Variants in GJC1 observed in about 807,000 individuals in gnomAD.
GJC1 encodes the protein gap junction protein gamma 1.
In GJC1, 5 loss-of-function variants were observed where a neutral mutation model predicts 29.3. The ratio of observed to expected loss-of-function variants is 0.17; its 90% CI spans 0.09 to 0.36. The LOEUF (loss-of-function observed/expected upper bound fraction) is 0.36, where lower values mean the gene tolerates loss of function less well. Ranked by LOEUF, GJC1 falls within the 10% of genes least tolerant of loss-of-function variation. GJC1 has a pLI of 1.00. For synonymous variants in GJC1, 177 were observed against 183.3 expected (o/e 0.97, Z 0.28); for missense variants, 310 against 496.2 (o/e 0.62, Z 3.56).
chr17:44,816,864 G>A (rs1178234941), intron 1 of GJC1, among the ~76,000 whole-genome samples: 1 of 152,100 alleles, frequency 6.6e-6, no homozygotes, highest in Non-Finnish European at 1.5e-5. Flanking sequence ...ATTTCAGCAG[G>A]TAGATTCTAA....
chr17:44,817,169 GCA>G, intron 1 of GJC1, among the ~76,000 whole-genome samples: 1 of 151,948 alleles, frequency 6.6e-6, no homozygotes, highest in African/African-American at 2.4e-5. Context: ...TCGTGCCATT[GCA>G]CTCCAGCCTG....
Position 44,802,139 on chromosome 17 carries a change from A to G in GJC1, c.*2488T>C, listed in dbSNP as rs2049855821. 6.6e-6 allele frequency: 1 copy of G among 152,212 alleles called. No homozygotes were observed. Among genetic ancestry groups the G allele is most frequent in the Non-Finnish European group, 1.5e-5 (1 of 68,042 alleles). The allele number at this position is 152,212 out of a possible 1,614,324, so 9.4% of individuals were successfully genotyped here. A position where few individuals can be genotyped will look rare whatever the true frequency, so the allele number is the denominator to read the frequency against. On this transcript the variant is annotated 3_prime_UTR_variant, in exon 3 of 3. Coordinates refer to ENST00000592524, the MANE Select transcript of GJC1 (RefSeq NM_005497.4). The stretch of plus-strand genomic sequence containing the variant: ...GAAGCTGACGCGTTATCCAGACACA[A>G]AAGATAACATTCTCATCAAAACAGG...
chr17:44,823,962 C>T (rs910225459), intron 1 of GJC1, among the ~76,000 whole-genome samples: 18 of 151,958 alleles, frequency 1.2e-4, no homozygotes, highest in Non-Finnish European at 2.1e-4. Context: ...CTGCCCACCT[C>T]GGCCTCCCAA....
intron 1 of GJC1, among the ~76,000 whole-genome samples, chr17:44,813,788 C>G (rs933260071): frequency 6.6e-6 from 1 of 152,044 alleles, no homozygotes; most frequent in Admixed American, 6.6e-5. Flanking sequence ...TCACCACGCC[C>G]GGCCACAAGT....
At position 44,799,968 on chromosome 17, in the gene GJC1, T is replaced by C. The variant is rs1047710874; in HGVS notation, c.*4659A>G. ...ATAGGGACAACAGCAAATACAAATC[T>C]TTAAACACTTCATGATGTGGCCGGA... On this transcript the variant is annotated 3_prime_UTR_variant, in exon 3 of 3. Transcript: ENST00000592524. 2.0e-5 allele frequency: 3 copies of C among 152,190 alleles called. No individual in the cohort carries two copies. The highest frequency in any genetic ancestry group is 2.0e-4 in the Admixed American group (3 of 15,272). The allele number at this position is 152,190 out of a possible 1,614,324, so 9.4% of individuals were successfully genotyped here.
rs371184644 is a variant in GJC1 at position 44,828,513 on chromosome 17, C to A, written c.-97+1549G>T. ...TATTAACAGACCTTCCATACAACTT[C>A]TATGTATCTCTTCAATATGCCCTTT... On this transcript the variant is annotated intron_variant, in intron 1 of 2. Transcript: ENST00000592524. Among the ~76,000 whole-genome samples the A allele has an allele frequency of 1.6e-4, 24 of 152,284 alleles. No homozygotes were observed. The South Asian group carries it at 4.8e-3, about 30-fold the overall frequency.
intron 2 of GJC1, among the ~76,000 whole-genome samples, chr17:44,807,137 C>T (rs549345053): frequency 6.6e-6 from 1 of 152,292 alleles, no homozygotes; most frequent in African/African-American, 2.4e-5. Flanking sequence ...CTAAACTGAA[C>T]TGTGAGGACA....
In GJC1 at chr17:44,802,237, G is replaced by A. The variant is rs1172955645; in HGVS notation, c.*2390C>T. ...TTCTGGCGCCAAATGTCTTTGCCTG[G>A]TTCTTCCTGGCATTTCTGCTTGACT... On this transcript the variant is annotated 3_prime_UTR_variant, in exon 3 of 3. Transcript: ENST00000592524. 5 of 152,088 alleles carry A rather than the reference G, an allele frequency of 3.3e-5. No homozygotes were observed. The allele number at this position is 152,088 out of a possible 1,614,324, so 9.4% of individuals were successfully genotyped here.
intron 1 of GJC1, among the ~76,000 whole-genome samples, chr17:44,827,555 C>G (rs1050331992): frequency 1.3e-5 from 2 of 151,942 alleles, no homozygotes; most frequent in African/African-American, 4.8e-5. Context: ...ACTCAGGAGG[C>G]TGAGGCAGGA....
intron 1 of GJC1, among the ~76,000 whole-genome samples, chr17:44,824,634 AAAAT>A (rs1029380289): frequency 6.6e-6 from 1 of 151,888 alleles, no homozygotes; most frequent in Non-Finnish European, 1.5e-5. Flanking sequence ...TCTCAAAAAT[AAAAT>A]AAATAAAATA....
chr17:44,808,514 G>C (rs1292359244), intron 1 of GJC1, among the ~76,000 whole-genome samples: 6 of 152,026 alleles, frequency 3.9e-5, no homozygotes, highest in African/African-American at 1.5e-4. Context: ...ACTTCGGGAG[G>C]CCAAGGTGGG....
At chr17:44,821,716 A>AAC in intron 1 of GJC1, among the ~76,000 whole-genome samples, 1 of 147,874 alleles carries the variant, frequency 6.8e-6, no homozygotes, top group Non-Finnish European at 1.5e-5. Context: ...AAAAAAAAAA[A>AAC]AAAAAAAAAC....
At chr17:44,827,367 CT>C (rs1327509362) in intron 1 of GJC1, among the ~76,000 whole-genome samples, 2 of 152,026 alleles carry the variant, frequency 1.3e-5, no homozygotes, top group Non-Finnish European at 2.9e-5. Context: ...AAAATTCCTG[CT>C]TTTTCTTTGC....
At chr17:44,811,392 T>TTC (rs947927544) in intron 1 of GJC1, among the ~76,000 whole-genome samples, 5 of 146,910 alleles carry the variant, frequency 3.4e-5, no homozygotes, top group Admixed American at 1.3e-4. Flanking sequence ...TTTTTTCTTT[T>TTC]TTTTTTTTTT....
rs1432031009 is a variant in GJC1 at position 44,803,862 on chromosome 17, C to CT, written c.*764dup. On this transcript the variant is annotated 3_prime_UTR_variant, in exon 3 of 3. Coordinates refer to ENST00000592524, the MANE Select transcript of GJC1 (RefSeq NM_005497.4). ...TTTCTGTATCAGGCTTTTGAAAGAA[C>CT]TTTAAGTTATATACATATACCATCA... The CT allele has an allele frequency of 7.2e-5, 11 of 152,254 alleles. No homozygotes were observed. Among genetic ancestry groups the CT allele is most frequent in the Non-Finnish European group, 1.0e-4 (7 of 68,022 alleles). The allele number at this position is 152,254 out of a possible 1,614,324, so 9.4% of individuals were successfully genotyped here.
rs1212845365 is a variant in GJC1 at position 44,799,954 on chromosome 17, A to T, written c.*4673T>A. ...ATCAATAGAACTACATAGGGACAACAGCAAATACAAATCTTTAAACACTTC... is the reference window on the plus strand; with the variant it reads ...ATCAATAGAACTACATAGGGACAACTGCAAATACAAATCTTTAAACACTTC... On this transcript the variant is annotated 3_prime_UTR_variant, in exon 3 of 3. Coordinates refer to ENST00000592524, the MANE Select transcript of GJC1 (RefSeq NM_005497.4). The T allele has an allele frequency of 6.6e-6, 1 of 152,232 alleles. No individual in the cohort carries two copies. 9.4% of individuals were successfully genotyped at this position (152,232 alleles called of 1,614,324 possible). A position where few individuals can be genotyped will look rare whatever the true frequency, so the allele number is the denominator to read the frequency against.
chr17:44,814,632 C>A (rs1434872050), intron 1 of GJC1, among the ~76,000 whole-genome samples: 1 of 152,040 alleles, frequency 6.6e-6, no homozygotes, highest in African/African-American at 2.4e-5. Context: ...CATAAGGGAC[C>A]TGAAAAGGTG....
intron 1 of GJC1, among the ~76,000 whole-genome samples, chr17:44,824,801 A>G (rs2050151473): frequency 7.0e-6 from 1 of 143,782 alleles, no homozygotes; most frequent in South Asian, 2.2e-4. Context: ...ACAGAACAAG[A>G]CTGTCTTAAA....
intron 1 of GJC1, among the ~76,000 whole-genome samples, chr17:44,824,942 C>T (rs1386757512): frequency 1.4e-5 from 2 of 147,864 alleles, no homozygotes; most frequent in African/African-American, 5.0e-5. Context: ...CGTTGGGATC[C>T]AGGTGCCTTG....
Sources: gnomAD v4.1 joint callset for allele counts (sites outside exome capture counted in the v4.1 genomes callset) on GRCh38, gnomAD v4.1.1 for gene constraint, MANE v1.5 for transcripts, NCBI Gene and HGNC (gene_info 2026-07-23, HGNC 2026-07-21) for gene names.